Variants in WDR43 observed in about 807,000 individuals in gnomAD.
WDR43 encodes the protein WD repeat-containing protein 43.
A neutral mutation model predicts 91.4 loss-of-function variants in WDR43; 13 were observed. The observed-to-expected ratio is 0.14, with a 90% CI of 0.09 to 0.23. WDR43 has a LOEUF of 0.23. WDR43 is among the 10% of genes least tolerant of loss of function. The pLI, the probability that WDR43 is intolerant of heterozygous loss-of-function variation, is 1.00. For synonymous variants in WDR43, 331 were observed against 287.9 expected (o/e 1.15, Z -1.51); for missense variants, 780 against 809.4 (o/e 0.96, Z 0.44).
chr2:28,915,150 C>T (rs897859599), intron 5 of WDR43, among the ~76,000 whole-genome samples: 4 of 152,058 alleles, frequency 2.6e-5, no homozygotes, highest in Non-Finnish European at 5.9e-5. Context: ...GGGACTCATC[C>T]AATATGTATT....
At chr2:28,913,430 A>G (rs1670846667) in intron 4 of WDR43, among the ~76,000 whole-genome samples, 1 of 152,080 alleles carries the variant, frequency 6.6e-6, no homozygotes, top group African/African-American at 2.4e-5. Flanking sequence ...TCCCAGGCTC[A>G]AGCGATGTCT....
intron 5 of WDR43, among the ~76,000 whole-genome samples, chr2:28,917,320 T>C (rs1212146419): frequency 6.6e-6 from 1 of 152,210 alleles, no homozygotes. Context: ...AATCCATGAA[T>C]AATGACAATC....
chr2:28,939,092 G>A (rs1229455437), intron 14 of WDR43, among the ~76,000 whole-genome samples: 2 of 115,428 alleles, frequency 1.7e-5, no homozygotes, highest in African/African-American at 3.0e-5. Context: ...TGGTGAGAGG[G>A]GTTTTTGGGA....
chr2:28,915,991 T>A (rs1006812476), intron 5 of WDR43, among the ~76,000 whole-genome samples: 6 of 152,256 alleles, frequency 3.9e-5, no homozygotes, highest in South Asian at 2.1e-4. Context: ...TATTATTTTT[T>A]AAAATTTGTA....
chr2:28,933,780 A>G (rs192972638), intron 11 of WDR43, among the ~76,000 whole-genome samples: 21 of 152,350 alleles, frequency 1.4e-4, no homozygotes, highest in African/African-American at 4.8e-4. Flanking sequence ...CCACAGTGAA[A>G]TAAAGCTTGC....
rs760506927 is a variant in WDR43, at chr2:28,941,476, C to G, written c.1636C>G (p.Pro546Ala). The G allele has an allele frequency of 6.2e-7, 1 of 1,612,994 alleles. No individual in the cohort carries two copies. The highest frequency in any genetic ancestry group is 8.5e-7 in the Non-Finnish European group (1 of 1,179,452). ...TTTTCTCTAGTTGCCTGACCTGGTA[C>G]CCCAGCTGGGGACACTCTACCAGTT... is the stretch of plus-strand genomic sequence containing the variant. ...SYLSTLPDLV[P>A]QLGTLYQLME... Residue 546 changes from proline to alanine, a missense_variant, in exon 15 of 18, where the codon CCC becomes GCC. By Grantham distance (27) the Pro-to-Ala change is conservative. Coordinates refer to ENST00000407426, the MANE Select transcript of WDR43 (RefSeq NM_015131.3).
chr2:28,926,460 A>G lies in WDR43; in HGVS notation c.1087-8A>G. On this transcript the variant is annotated splice_region_variant and splice_polypyrimidine_tract_variant and intron_variant, in intron 8 of 17. Coordinates refer to ENST00000407426, the MANE Select transcript of WDR43 (RefSeq NM_015131.3). The stretch of plus-strand genomic sequence containing the variant: ...TCATCTTCCCCTTTAAAAAAAATAT[A>G]TTTTCAGGCTTTAAACTCCAGAGAA... The G allele has an allele frequency of 6.6e-7, 1 of 1,524,126 alleles. No individual in the cohort carries two copies. Among genetic ancestry groups the G allele is most frequent in the Non-Finnish European group, 8.8e-7 (1 of 1,132,508 alleles). The allele number at this position is 1,524,126 out of a possible 1,614,324, so 94.4% of individuals were successfully genotyped here.
chr2:28,931,908 T>C (rs1313823481), intron 11 of WDR43, among the ~76,000 whole-genome samples: 2 of 135,072 alleles, frequency 1.5e-5, no homozygotes, highest in Non-Finnish European at 3.1e-5. Flanking sequence ...AGACAGGGTC[T>C]CACTCTGTCA....
At chr2:28,920,939 A>G (rs1671012395) in intron 6 of WDR43, among the ~76,000 whole-genome samples, 1 of 151,986 alleles carries the variant, frequency 6.6e-6, no homozygotes. Flanking sequence ...GGCCTCACAA[A>G]GTGCTGGGAT....
Position 28,912,717 on chromosome 2 carries a change from G to T in WDR43, c.606+7G>T, listed in dbSNP as rs755930442. The T allele has an allele frequency of 1.9e-6, 3 of 1,610,200 alleles. No individual in the cohort carries two copies. The highest frequency in any genetic ancestry group is 1.3e-5 in the African/African-American group (1 of 74,834). On this transcript the variant is annotated splice_region_variant and intron_variant, in intron 4 of 17. Coordinates refer to ENST00000407426, the MANE Select transcript of WDR43 (RefSeq NM_015131.3). Reference sequence around the variant, plus strand: ...GACCAAAGAAGTCTACAGGGTGAGCGAATCAAATTATTTGTAAGCATAAAA... The same window carrying T: ...GACCAAAGAAGTCTACAGGGTGAGCTAATCAAATTATTTGTAAGCATAAAA...
Position 28,927,585 on chromosome 2 carries a change from T to C in WDR43, c.1190T>C (p.Met397Thr), listed in dbSNP as rs1253415647. The change falls in exon 10 of 18, where the codon ATG becomes ACG. Residue 397 changes from methionine to threonine, a missense_variant. Around this residue, in one of 4 missense-constraint regions of WDR43, gnomAD observed 426 missense variants for 467.8 expected, o/e 0.91. Coordinates refer to ENST00000407426, the MANE Select transcript of WDR43 (RefSeq NM_015131.3). Reference sequence around the variant, plus strand: ...GTTGAACAGGTGAGGACACCAGTGATGAATTCTGAAGCAAAAGTTCTGGTG... The same window carrying C: ...GTTGAACAGGTGAGGACACCAGTGACGAATTCTGAAGCAAAAGTTCTGGTG... ...TAITKVRTPV[M>T]NSEAKVLVPG... The C allele has an allele frequency of 6.2e-7, 1 of 1,613,760 alleles. No homozygotes were observed. The highest frequency in any genetic ancestry group is 8.5e-7 in the Non-Finnish European group (1 of 1,179,844).
chr2:28,917,049 A>G (rs925464036), intron 5 of WDR43, among the ~76,000 whole-genome samples: 1 of 152,208 alleles, frequency 6.6e-6, no homozygotes, highest in Non-Finnish European at 1.5e-5. Flanking sequence ...GCACTTCAGA[A>G]TTATGCTTGG....
chr2:28,894,718 G>A lies in WDR43; in HGVS notation c.20G>A (p.Gly7Asp), dbSNP rs1255178029. The A allele has an allele frequency of 1.9e-6, 3 of 1,565,534 alleles. No individual in the cohort carries two copies. Among genetic ancestry groups the A allele is most frequent in the East Asian group, 2.4e-5 (1 of 41,638 alleles). ...GCAGCAATGGCGGCGGGCGGCGGCG[G>A]TAGCTGCGACCCCCTGGCCCCTGCT... MAAGGG[G>D]SCDPLAPAGV... The change falls in exon 1 of 18, where the codon GGT (glycine) becomes GAT (aspartate). Residue 7 changes from glycine (G) to aspartate (D), a missense_variant. Physicochemically the swap from Gly to Asp is moderately conservative, Grantham distance 94. Around this residue, in one of 4 missense-constraint regions of WDR43, gnomAD observed 175 missense variants for 113.8 expected, o/e 1.54. Coordinates refer to ENST00000407426, the MANE Select transcript of WDR43 (RefSeq NM_015131.3).
intron 5 of WDR43, among the ~76,000 whole-genome samples, chr2:28,916,244 T>A (rs1267842119): frequency 6.6e-6 from 1 of 152,192 alleles, no homozygotes; most frequent in Non-Finnish European, 1.5e-5. Context: ...TATATGGACA[T>A]GTGATTTCAT....
At chr2:28,937,829 A>G in intron 13 of WDR43, 102 bp from the exon 14 acceptor site, 6 of 1,082,326 alleles carry the variant, frequency 5.5e-6, no homozygotes, top group Non-Finnish European at 6.9e-6. Context: ...TTCACAGAGC[A>G]ACATTTATAG....
At chr2:28,923,967 A>G (rs1177214889) in intron 7 of WDR43, among the ~76,000 whole-genome samples, 3 of 152,148 alleles carry the variant, frequency 2.0e-5, no homozygotes, top group Non-Finnish European at 4.4e-5. Flanking sequence ...GTGAAAGGCT[A>G]AAGTAGAGAC....
At chr2:28,942,972 G>A (rs932825385) in intron 16 of WDR43, among the ~76,000 whole-genome samples, 1 of 151,868 alleles carries the variant, frequency 6.6e-6, no homozygotes, top group Non-Finnish European at 1.5e-5. Flanking sequence ...AAAAGTCTAG[G>A]TGGTATAGTT....
At chr2:28,930,229 G>A (rs1380260925) in intron 11 of WDR43, 4 of 384,026 alleles carry the variant, frequency 1.0e-5, no homozygotes, top group Non-Finnish European at 1.1e-5. Flanking sequence ...TAGAAACTTT[G>A]TATAAAGGGA....
chr2:28,946,594 G>T lies in WDR43; in HGVS notation c.1855-6G>T, dbSNP rs1321528812. Reference sequence around the variant, plus strand: ...TGAATGCTTTCCTTGTTGGTATTTCGACTAGGATAATTGGGATGAAGATGA... The same window carrying T: ...TGAATGCTTTCCTTGTTGGTATTTCTACTAGGATAATTGGGATGAAGATGA... On this transcript the variant is annotated splice_region_variant and splice_polypyrimidine_tract_variant and intron_variant, in intron 17 of 17. Transcript: ENST00000407426. 2 of 1,560,882 alleles carry T rather than the reference G, an allele frequency of 1.3e-6. No individual in the cohort carries two copies. Among genetic ancestry groups the T allele is most frequent in the Non-Finnish European group, 1.7e-6 (2 of 1,151,174 alleles).
Sources: allele counts gnomAD v4.1 joint callset (sites outside exome capture counted in the v4.1 genomes callset), GRCh38; gene constraint gnomAD v4.1.1; regional missense constraint gnomAD v4.1.1; transcripts MANE v1.5; gene names NCBI Gene and HGNC (gene_info 2026-07-23, HGNC 2026-07-21).